ADGRG6: variants seen among roughly 807,000 people sequenced by gnomAD.
ADGRG6 encodes the protein G-protein coupled receptor 126.
A neutral mutation model predicts 142.4 loss-of-function variants in ADGRG6; 84 were observed. That is an observed-to-expected ratio of 0.59 (90% confidence interval 0.49 to 0.71). ADGRG6 has a LOEUF of 0.71. ADGRG6 is among the 30% of genes least tolerant of loss of function. The pLI is 0.00. For synonymous variants in ADGRG6, 521 were observed against 520.5 expected, an observed-to-expected ratio of 1.00 and a Z score of -0.01; for missense variants, 1,367 against 1,466.6, an observed-to-expected ratio of 0.93 and a Z score of 1.11.
At chr6:142,371,718 C>G (rs548490550) in intron 4 of ADGRG6, among the ~76,000 whole-genome samples, 1 of 152,170 alleles carries the variant, frequency 6.6e-6, no homozygotes, top group South Asian at 2.1e-4. Flanking sequence ...ATCTCCTGAC[C>G]TCGTGATCGG....
intron 2 of ADGRG6, among the ~76,000 whole-genome samples, chr6:142,365,220 T>C (rs1400944206): frequency 6.6e-6 from 1 of 152,130 alleles, no homozygotes; most frequent in East Asian, 1.9e-4. Context: ...AGTGATATAA[T>C]TGGAAGAAAC....
chr6:142,401,531 C>T (rs1056971247), intron 11 of ADGRG6, among the ~76,000 whole-genome samples: 3 of 152,214 alleles, frequency 2.0e-5, no homozygotes, highest in Admixed American at 1.3e-4. Flanking sequence ...AAATTTATTT[C>T]AGTGCATTAC....
In ADGRG6 at chr6:142,417,512, G is replaced by T. The variant is rs1776427629; in HGVS notation, c.3035+143G>T. The T allele has an allele frequency of 8.4e-6, 5 of 598,510 alleles. No individual in the cohort carries two copies. In the Admixed American group the frequency reaches 1.2e-4, roughly 14 times the overall value. The allele number at this position is 598,510 out of a possible 1,614,324, so 37.1% of individuals were successfully genotyped here. A position where few individuals can be genotyped will look rare whatever the true frequency, so the allele number is the denominator to read the frequency against. The stretch of plus-strand genomic sequence containing the variant: ...CTGCCAAAATCTCTGCTACACCACA[G>T]ATTAATTCAGTTGAATGCCCTGAAA... On this transcript the variant is annotated intron_variant, in intron 21 of 24. Transcript: ENST00000367609.
At chr6:142,316,583 CTTCA>C (rs1562304824) in intron 2 of ADGRG6, among the ~76,000 whole-genome samples, 1 of 151,884 alleles carries the variant, frequency 6.6e-6, no homozygotes, top group Non-Finnish European at 1.5e-5. Flanking sequence ...TTCTTCTGTC[CTTCA>C]TTTATTTGTT....
At position 142,403,935 on chromosome 6, in the gene ADGRG6, A is replaced by T. The variant is rs371186032; in HGVS notation, c.2089A>T (p.Ser697Cys). 6.2e-7 allele frequency: 1 copy of T among 1,610,680 alleles called. No individual in the cohort carries two copies. Among genetic ancestry groups the T allele is most frequent in the Non-Finnish European group, 8.5e-7 (1 of 1,177,624 alleles). Residue 697 changes from serine (S) to cysteine (C), a missense_variant, in exon 14 of 25, where the codon AGC (serine) becomes TGC (cysteine). Physicochemically the swap from Ser to Cys is moderately radical, Grantham distance 112. This residue lies in a region of ADGRG6 where 286 missense variants were observed against 371.4 expected (regional missense o/e 0.77). Coordinates refer to ENST00000367609, the MANE Select transcript of ADGRG6 (RefSeq NM_198569.3). ...LPGTNAISNF[S>C]IGLPSNNESY... The stretch of plus-strand genomic sequence containing the variant: ...AGGGACAAATGCAATTTCAAATTTT[A>T]GCATTGGTCTTCCAAGCAATAATGA...
intron 2 of ADGRG6, among the ~76,000 whole-genome samples, chr6:142,314,971 A>AGTGTGTGTGTGT (rs58848776): frequency 0.015 from 2,131 of 145,062 alleles, 37 homozygotes; most frequent in African/African-American, 0.042. Context: ...CCAATCATGG[A>AGTGTGTGTGTGT]GTGTGTGTGT....
At position 142,397,768 on chromosome 6, in the gene ADGRG6, T is replaced by A. The variant is rs564069423; in HGVS notation, c.1567+13T>A. On this transcript the variant is annotated intron_variant, in intron 10 of 24. Coordinates refer to ENST00000367609, the MANE Select transcript of ADGRG6 (RefSeq NM_198569.3). ...GTGAGACAACTGGGTAAGTGACTAA[T>A]TTTTTTATAATATGCATTTTATACA... The A allele has an allele frequency of 4.1e-5, 62 of 1,507,798 alleles. No homozygotes were observed. In the South Asian group the frequency reaches 7.8e-4, roughly 19 times the overall value. 93.4% of individuals were successfully genotyped at this position (1,507,798 alleles called of 1,614,324 possible).
chr6:142,344,128 ATTT>A (rs1779785325), intron 2 of ADGRG6, among the ~76,000 whole-genome samples: 3 of 151,798 alleles, frequency 2.0e-5, no homozygotes, highest in Non-Finnish European at 4.4e-5. Flanking sequence ...ATTATTCTTG[ATTT>A]ATTATTCTGT....
At chr6:142,371,008 G>A (rs1781224466) in intron 4 of ADGRG6, 2 of 511,792 alleles carry the variant, frequency 3.9e-6, no homozygotes, top group Non-Finnish European at 6.9e-6. Flanking sequence ...AGCCATGCAT[G>A]CTCCATCAAG....
At chr6:142,327,965 C>T (rs1778860072) in intron 2 of ADGRG6, among the ~76,000 whole-genome samples, 1 of 151,702 alleles carries the variant, frequency 6.6e-6, no homozygotes, top group Admixed American at 6.6e-5. Context: ...ACAATTTCTC[C>T]CTCCTTCCCA....
intron 2 of ADGRG6, among the ~76,000 whole-genome samples, chr6:142,347,091 ATTTGTT>A (rs1351339617): frequency 6.6e-6 from 1 of 152,146 alleles, no homozygotes; most frequent in Non-Finnish European, 1.5e-5. Flanking sequence ...ATATTTGTTT[ATTTGTT>A]TATATATGTA....
In ADGRG6 at chr6:142,397,601, A is replaced by C. The variant is rs1775268130; in HGVS notation, c.1425-12A>C. 6.2e-7 allele frequency: 1 copy of C among 1,606,088 alleles called. No homozygotes were observed. Among genetic ancestry groups the C allele is most frequent in the East Asian group, 2.2e-5 (1 of 44,612 alleles). On this transcript the variant is annotated splice_polypyrimidine_tract_variant and intron_variant, in intron 9 of 24. Transcript: ENST00000367609. ...AACAACAACAACAGTTCTATCCGAA[A>C]TGTTTCCCTAGGTTGGTGCTTTGGG...
chr6:142,314,827 T>G lies in ADGRG6; in HGVS notation c.103+5183T>G, dbSNP rs1424292169. ...TAATGCTGTAAGAACCAAATGACTC[T>G]CTTAGTAATTAATTGTCCAAAGATA... On this transcript the variant is annotated intron_variant, in intron 2 of 24. Coordinates refer to ENST00000367609, the MANE Select transcript of ADGRG6 (RefSeq NM_198569.3). 2.0e-5 allele frequency among the ~76,000 whole-genome samples: 3 copies of G among 152,160 alleles called. No homozygotes were observed. In the East Asian group the frequency reaches 5.8e-4, roughly 29 times the overall value.
chr6:142,336,814 C>T (rs1427520244), intron 2 of ADGRG6, among the ~76,000 whole-genome samples: 1 of 152,176 alleles, frequency 6.6e-6, no homozygotes, highest in Non-Finnish European at 1.5e-5. Flanking sequence ...TATAAGTACT[C>T]GATCTCAGAT....
chr6:142,305,519 G>C (rs947262093), intron 1 of ADGRG6, among the ~76,000 whole-genome samples: 2 of 150,768 alleles, frequency 1.3e-5, no homozygotes, highest in African/African-American at 2.4e-5. Flanking sequence ...AAGGGCTTAA[G>C]AGTTTAATTT....
chr6:142,309,386 C>G (rs2114511329), intron 1 of ADGRG6, among the ~76,000 whole-genome samples, 158 bp from the exon 2 acceptor site: 1 of 151,902 alleles, frequency 6.6e-6, no homozygotes, highest in East Asian at 1.9e-4. Flanking sequence ...AGGAAGTGAT[C>G]AAGTCGTCAT....
In ADGRG6 at chr6:142,367,783, C is replaced by G; in HGVS notation, c.318C>G (p.Ser106Arg). 1 of 1,613,434 alleles carries G rather than the reference C, an allele frequency of 6.2e-7. No homozygotes were observed. The highest frequency in any genetic ancestry group is 1.3e-5 in the African/African-American group (1 of 75,012). Reference sequence around the variant, plus strand: ...CATTATCCCTTGATAATGGAGAGAGCCAGACTAAATTTTGTGGAGCAACTG... The same window carrying G: ...CATTATCCCTTGATAATGGAGAGAGGCAGACTAAATTTTGTGGAGCAACTG... ...YDSLSLDNGESQTKFCGATAK... is the reference protein window; with the variant it reads ...YDSLSLDNGERQTKFCGATAK... Residue 106 changes from serine (S) to arginine (R), a missense_variant, in exon 3 of 25, where the codon AGC becomes AGG. Transcript: ENST00000367609.
intron 2 of ADGRG6, among the ~76,000 whole-genome samples, chr6:142,363,954 A>G (rs2114838299): frequency 6.6e-6 from 1 of 152,136 alleles, no homozygotes; most frequent in South Asian, 2.1e-4. Flanking sequence ...CGTCTCTTAA[A>G]GAAGCACTTG....
chr6:142,411,513 C>T (rs1406939611), intron 18 of ADGRG6, 102 bp downstream of exon 18: 1 of 716,432 alleles, frequency 1.4e-6, no homozygotes, highest in East Asian at 2.5e-5. Context: ...GGAATTATTT[C>T]CTGATAGTTT....
Sources: gnomAD v4.1 joint callset for allele counts (sites outside exome capture counted in the v4.1 genomes callset) on GRCh38, gnomAD v4.1.1 for gene constraint, gnomAD v4.1.1 regional missense constraint, MANE v1.5 for transcripts, NCBI Gene and HGNC (gene_info 2026-07-23, HGNC 2026-07-21) for gene names.